TP53BP1: variants seen among roughly 807,000 people sequenced by gnomAD.
TP53BP1 encodes TP53-binding protein 1.
A neutral mutation model predicts 200.8 loss-of-function variants in TP53BP1; 61 were observed. The ratio of observed to expected loss-of-function variants is 0.30; its 90% CI spans 0.25 to 0.38. TP53BP1 has a LOEUF of 0.38. Among genes scored for constraint, TP53BP1 ranks in the 10% least tolerant of loss-of-function variants. TP53BP1 has a pLI of 1.00. For missense variants in TP53BP1, 2,144 were observed against 2,371.9 expected (o/e 0.90, Z 2.00); for synonymous variants, 822 against 844.3 (o/e 0.97, Z 0.46).
chr15:43,484,911 T>C (rs1175277812), intron 4 of TP53BP1, among the ~76,000 whole-genome samples: 5 of 152,096 alleles, frequency 3.3e-5, no homozygotes, highest in Admixed American at 1.3e-4. Flanking sequence ...CTACCATGCC[T>C]GGCTTACTGT....
rs368175615 is a variant in TP53BP1, at chr15:43,493,046, C to A, written c.-3G>T. 3.1e-6 allele frequency: 5 copies of A among 1,613,348 alleles called. No homozygotes were observed. The African/African-American group carries it at 5.3e-5, about 17-fold the overall frequency. ...TCTCTCCAAACAGTACCAGGCATCC[C>A]GGCGGGAGGTCCCTCGCGCTCGAGC... On this transcript the variant is annotated 5_prime_UTR_variant, in exon 1 of 28. Coordinates refer to ENST00000382044, the MANE Select transcript of TP53BP1 (RefSeq NM_001141980.3).
At chr15:43,488,897 A>T (rs939952253) in intron 4 of TP53BP1, among the ~76,000 whole-genome samples, 8 of 152,172 alleles carry the variant, frequency 5.3e-5, no homozygotes, top group African/African-American at 1.9e-4. Context: ...TCCGTCTCAA[A>T]AAAAAAAGTG....
chr15:43,465,910 C>T (rs1046474101), intron 11 of TP53BP1, among the ~76,000 whole-genome samples: 3 of 152,156 alleles, frequency 2.0e-5, no homozygotes, highest in Non-Finnish European at 2.9e-5. Context: ...CCACCTTAGC[C>T]TCCCAAAGTG....
rs2044870071 is a variant in TP53BP1, at chr15:43,406,202, C to CCAT, written c.*1178_*1180dup. On this transcript the variant is annotated 3_prime_UTR_variant, in exon 28 of 28. Transcript: ENST00000382044. ...TTGAAGTTATCTTAATATGGCCCAG[C>CCAT]CATCACTGGTAATCAATATTCATAT... 6.3e-6 allele frequency: 1 copy of CCAT among 159,288 alleles called. No homozygotes were observed. Among genetic ancestry groups the CCAT allele is most frequent in the East Asian group, 1.8e-4 (1 of 5,522 alleles). 9.9% of individuals were successfully genotyped at this position (159,288 alleles called of 1,614,324 possible).
chr15:43,428,049 C>T lies in TP53BP1; in HGVS notation c.3795G>A (p.Val1265=), dbSNP rs368944001. 1.1e-4 allele frequency: 173 copies of T among 1,611,716 alleles called. No homozygotes were observed. The highest frequency in any genetic ancestry group is 1.4e-4 in the Non-Finnish European group (161 of 1,178,364). The change falls in exon 18 of 28, where the codon GTG becomes GTA. Residue 1265 remains valine (V), a synonymous_variant. Coordinates refer to ENST00000382044, the MANE Select transcript of TP53BP1 (RefSeq NM_001141980.3). ...VTRVITDVYY[V]DGTEVERKVT... ...CTTTTCTTTCTACTTCTGTTCCATC[C>T]ACATAATACACATCTGTAATGACAC... is the stretch of plus-strand genomic sequence containing the variant.
intron 10 of TP53BP1, among the ~76,000 whole-genome samples, chr15:43,471,417 C>T (rs1430493182): frequency 6.6e-6 from 1 of 151,736 alleles, no homozygotes; most frequent in East Asian, 1.9e-4. Flanking sequence ...TGACTGTTTA[C>T]AATCAGGGAG....
intron 21 of TP53BP1, among the ~76,000 whole-genome samples, chr15:43,417,652 C>T (rs948297213): frequency 6.6e-6 from 1 of 152,144 alleles, no homozygotes; most frequent in Non-Finnish European, 1.5e-5. Flanking sequence ...AAATATGAAC[C>T]CCTAAGAGTA....
At chr15:43,491,922 C>A in intron 3 of TP53BP1, 80 bp downstream of exon 3, 1 of 1,230,388 alleles carries the variant, frequency 8.1e-7, no homozygotes, top group South Asian at 1.2e-5. Context: ...TCGACACAAC[C>A]ACATAAAGTT....
At chr15:43,408,281 C>A in intron 26 of TP53BP1, 193 bp from the exon 27 acceptor site, 1 of 559,050 alleles carries the variant, frequency 1.8e-6, no homozygotes, top group East Asian at 3.2e-5. Flanking sequence ...AGTTCGAGAC[C>A]AGCCTGGGCA....
chr15:43,439,153 G>A (rs763545037), intron 15 of TP53BP1, among the ~76,000 whole-genome samples: 1 of 152,102 alleles, frequency 6.6e-6, no homozygotes, highest in Non-Finnish European at 1.5e-5. Context: ...CTCTACTTTC[G>A]TATATGCTTG....
At position 43,491,036 on chromosome 15, in the gene TP53BP1, G is replaced by A. The variant is rs370840258; in HGVS notation, c.371+633C>T. ...AACTGGTGGGGTACTTCAGTTGATA[G>A]ATGGAAAACATGCCTAATAGTTCTG... is the stretch of plus-strand genomic sequence containing the variant. On this transcript the variant is annotated intron_variant, in intron 4 of 27. Coordinates refer to ENST00000382044, the MANE Select transcript of TP53BP1 (RefSeq NM_001141980.3). Among the ~76,000 whole-genome samples, 10 of 151,782 alleles carry A rather than the reference G, an allele frequency of 6.6e-5. No individual in the cohort carries two copies. The East Asian group carries it at 7.7e-4, about 12-fold the overall frequency.
chr15:43,474,966 T>C (rs992451957), intron 9 of TP53BP1, among the ~76,000 whole-genome samples, 199 bp from the exon 10 acceptor site: 5 of 152,208 alleles, frequency 3.3e-5, no homozygotes, highest in Non-Finnish European at 7.3e-5. Context: ...CAGACATTTC[T>C]GTTGTAAAAT....
At chr15:43,485,569 G>A (rs1182122671) in intron 4 of TP53BP1, among the ~76,000 whole-genome samples, 1 of 1,680 alleles carries the variant, frequency 6.0e-4, no homozygotes, top group Non-Finnish European at 1.9e-3. Flanking sequence ...AGAGCGAGAC[G>A]CCGTCTCAAA....
At chr15:43,408,127 A>G in intron 26 of TP53BP1, 39 bp from the exon 27 acceptor site, 1 of 1,595,666 alleles carries the variant, frequency 6.3e-7, no homozygotes, top group Non-Finnish European at 8.5e-7. Flanking sequence ...CATGACAAGT[A>G]ATATCCAACA....
At chr15:43,465,841 G>C (rs1018169231) in intron 11 of TP53BP1, among the ~76,000 whole-genome samples, 2 of 152,066 alleles carry the variant, frequency 1.3e-5, no homozygotes, top group East Asian at 3.9e-4. Flanking sequence ...TTTTGGTACA[G>C]ACAGGGTCTG....
intron 22 of TP53BP1, 109 bp from the exon 23 acceptor site, chr15:43,415,918 C>T: frequency 1.1e-6 from 1 of 929,074 alleles, no homozygotes; most frequent in South Asian, 1.6e-5. Flanking sequence ...CCTTCCCCCA[C>T]TTCCCATGAG....
chr15:43,476,611 A>G (rs1413280919), intron 8 of TP53BP1, among the ~76,000 whole-genome samples: 1 of 152,224 alleles, frequency 6.6e-6, no homozygotes, highest in African/African-American at 2.4e-5. Flanking sequence ...AGTGTAAAAG[A>G]ATTTCTTAAA....
chr15:43,484,623 G>A (rs969032454), intron 4 of TP53BP1, among the ~76,000 whole-genome samples: 3 of 152,108 alleles, frequency 2.0e-5, no homozygotes, highest in Non-Finnish European at 4.4e-5. Context: ...CTCCACTACA[G>A]CCACACTAAC....
chr15:43,432,407 T>C lies in TP53BP1; in HGVS notation c.3462A>G (p.Gln1154=). ...CCATGGTTTGGATTCCTATGTTATTTTGGCTGGGCCTTTCAATCAAGGCCT... is the reference window on the plus strand; with the variant it reads ...CCATGGTTTGGATTCCTATGTTATTCTGGCTGGGCCTTTCAATCAAGGCCT... The part of the protein sequence containing the change: ...PSKALIERPS[Q]NNIGIQTMEC... The change falls in exon 17 of 28, where the codon CAA becomes CAG. Residue 1154 remains glutamine (Q), a synonymous_variant. Transcript: ENST00000382044. 1 of 1,614,194 alleles carries C rather than the reference T, an allele frequency of 6.2e-7. No individual in the cohort carries two copies. The highest frequency in any genetic ancestry group is 1.6e-4 in the Middle Eastern group (1 of 6,062).
Sources: gnomAD v4.1 joint callset for allele counts (sites outside exome capture counted in the v4.1 genomes callset) on GRCh38, gnomAD v4.1.1 for gene constraint, MANE v1.5 for transcripts, NCBI Gene and HGNC (gene_info 2026-07-23, HGNC 2026-07-21) for gene names.